The following CHID1 variants were observed in gnomAD, a reference collection of about 807,000 sequenced individuals.
CHID1 encodes chitinase domain-containing protein 1.
Under a neutral mutation model 55.4 loss-of-function variants are expected in CHID1, and 44 were observed. That is an observed-to-expected ratio of 0.79 (90% CI 0.62 to 1.02). The LOEUF (loss-of-function observed/expected upper bound fraction) is 1.02, where lower values mean the gene tolerates loss of function less well. Ranked by LOEUF, CHID1 falls within the 50% of genes least tolerant of loss-of-function variation. The pLI is 0.00. For synonymous variants in CHID1, 216 were observed against 212.9 expected (o/e 1.01, Z -0.13); for missense variants, 491 against 515.3 (o/e 0.95, Z 0.46).
chr11:879,142 G>A lies in CHID1; in HGVS notation c.959+4006C>T, dbSNP rs149153133. Among the ~76,000 whole-genome samples, 237 of 152,216 alleles carry A rather than the reference G, an allele frequency of 1.6e-3. 1 individual carries two copies. The highest frequency in any genetic ancestry group is 5.6e-3 in the African/African-American group (231 of 41,532). Reference sequence around the variant, plus strand: ...ATTACAGGTGTGAGCCACAGTGTCCGGTCACACCTGACTAATTTTTTGTAT... The same window carrying A: ...ATTACAGGTGTGAGCCACAGTGTCCAGTCACACCTGACTAATTTTTTGTAT... On this transcript the variant is annotated intron_variant, in intron 10 of 12. Transcript: ENST00000323578.
rs180809257 is a variant in CHID1 at position 880,272 on chromosome 11, C to T, written c.959+2876G>A. Among the ~76,000 whole-genome samples, 815 of 152,324 alleles carry T rather than the reference C, an allele frequency of 5.4e-3. 8 individuals are homozygous for T. The highest frequency in any genetic ancestry group is 4.8e-3 in the Non-Finnish European group (326 of 68,002). ...AGAGAAGACGCCAGGCTCTTCGCCC[C>T]GCCTGATGCCCAGGCTGACCCCAGG... is the stretch of plus-strand genomic sequence containing the variant. On this transcript the variant is annotated intron_variant, in intron 10 of 12. Transcript: ENST00000323578.
At chr11:901,210 A>G (rs1291538230) in intron 4 of CHID1, among the ~76,000 whole-genome samples, 1 of 152,054 alleles carries the variant, frequency 6.6e-6, no homozygotes, top group Non-Finnish European at 1.5e-5. Flanking sequence ...GACCCTGCAG[A>G]GCAGCTCTGA....
chr11:870,686 G>A (rs1849118021), intron 10 of CHID1, 187 bp from the exon 11 acceptor site: 2 of 569,084 alleles, frequency 3.5e-6, no homozygotes, highest in South Asian at 4.5e-5. Context: ...TGTATTAGAG[G>A]AAACCTCAGG....
In CHID1 at chr11:884,140, T is replaced by C. The variant is rs1489063390; in HGVS notation, c.731A>G (p.Lys244Arg). The C allele has an allele frequency of 8.7e-6, 14 of 1,614,144 alleles. No individual in the cohort carries two copies. The highest frequency in any genetic ancestry group is 1.2e-5 in the Non-Finnish European group (14 of 1,180,002). Reference sequence around the variant, plus strand: ...CACGGGGGCCAGCTGCTCAAACTCCTTGTGCGTGAACATGCCCAGCTGGTC... The same window carrying C: ...CACGGGGGCCAGCTGCTCAAACTCCCTGTGCGTGAACATGCCCAGCTGGTC... ...GTDQLGMFTH[K>R]EFEQLAPVLD... is the part of the protein sequence containing the mutation. The change falls in exon 9 of 13, where the codon AAG becomes AGG. Residue 244 changes from lysine (K) to arginine (R), a missense_variant. By Grantham distance (26) the Lys-to-Arg change is conservative. Transcript: ENST00000323578.
intron 1 of CHID1, among the ~76,000 whole-genome samples, chr11:910,294 G>A (rs908694997): frequency 6.6e-6 from 1 of 152,120 alleles, no homozygotes. Context: ...TCACTGGGAG[G>A]GCAGCCCGCC....
upstream of CHID1, chr11:910,845 C>T (rs1274326856): frequency 9.2e-7 from 1 of 1,088,562 alleles, no homozygotes; most frequent in Non-Finnish European, 1.1e-6. Flanking sequence ...GGAAGTCCCG[C>T]CCCAGGCGCC....
chr11:871,101 C>T (rs1849150769), intron 10 of CHID1, among the ~76,000 whole-genome samples: 1 of 150,030 alleles, frequency 6.7e-6, no homozygotes, highest in African/African-American at 2.5e-5. Context: ...GGTGATTCTT[C>T]TGCCTCAGCC....
At position 878,598 on chromosome 11, in the gene CHID1, TCA is replaced by T. The variant is rs201220874; in HGVS notation, c.959+4548_959+4549del. ...AAAATTCCTTTTCTTTATAAAGTAC[TCA>T]GTTTCAGGTATTCTGTTATAAGCAA... On this transcript the variant is annotated intron_variant, in intron 10 of 12. Transcript: ENST00000323578. Among the ~76,000 whole-genome samples the T allele has an allele frequency of 2.6e-3, 399 of 152,278 alleles. 2 individuals carry two copies. The highest frequency in any genetic ancestry group is 0.01 in the Admixed American group (160 of 15,298).
chr11:898,267 A>C (rs1208227158), intron 7 of CHID1, among the ~76,000 whole-genome samples: 2 of 152,186 alleles, frequency 1.3e-5, no homozygotes, highest in African/African-American at 4.8e-5. Flanking sequence ...CAATGGGATG[A>C]AAGTGCCATG....
At chr11:906,723 C>T (rs953575435) in intron 1 of CHID1, among the ~76,000 whole-genome samples, 5 of 152,078 alleles carry the variant, frequency 3.3e-5, no homozygotes, top group Non-Finnish European at 7.4e-5. Flanking sequence ...CACGTGGAAG[C>T]TTAAGAAACA....
intron 2 of CHID1, chr11:903,819 C>T (rs1852005056): frequency 5.1e-6 from 1 of 196,534 alleles, no homozygotes; most frequent in Non-Finnish European, 1.1e-5. Context: ...GCACACGCCA[C>T]CATGCTGGCC....
intron 1 of CHID1, among the ~76,000 whole-genome samples, chr11:909,691 C>T (rs1852505026): frequency 6.6e-6 from 1 of 152,264 alleles, no homozygotes; most frequent in African/African-American, 2.4e-5. Flanking sequence ...GCACTGACAA[C>T]TCCTGTTCTG....
intron 12 of CHID1, 34 bp downstream of exon 12, chr11:870,087 C>A: frequency 6.2e-7 from 1 of 1,612,090 alleles, no homozygotes; most frequent in Non-Finnish European, 8.5e-7. Flanking sequence ...ATGGCCCACC[C>A]CTCCCCCGGT....
chr11:871,494 C>T (rs534509703), intron 10 of CHID1, among the ~76,000 whole-genome samples: 1 of 522 alleles, frequency 1.9e-3, no homozygotes, highest in Non-Finnish European at 6.4e-3. Context: ...GTGTGCACAT[C>T]TCACACTGCA....
At chr11:892,898 C>T (rs564752998) in intron 8 of CHID1, among the ~76,000 whole-genome samples, 3 of 152,226 alleles carry the variant, frequency 2.0e-5, no homozygotes, top group East Asian at 1.9e-4. Flanking sequence ...GCAGGGTGGC[C>T]GCCTCCTGTG....
rs755872930 is a variant in CHID1, at chr11:904,817, G to A, written c.-1C>T. 2 of 1,613,860 alleles carry A rather than the reference G, an allele frequency of 1.2e-6. No individual in the cohort carries two copies. The highest frequency in any genetic ancestry group is 1.3e-5 in the African/African-American group (1 of 75,072). On this transcript the variant is annotated 5_prime_UTR_variant, in exon 2 of 13. Transcript: ENST00000323578. ...AGAGGAGGTTGAAGAGTGTCCGCAT[G>A]GTAGGTGTGTCACAGTAGGGTCCAA...
intron 5 of CHID1, among the ~76,000 whole-genome samples, chr11:900,722 C>T (rs1288868006): frequency 6.6e-6 from 1 of 152,178 alleles, no homozygotes; most frequent in Non-Finnish European, 1.5e-5. Flanking sequence ...CTTTGGAGGG[C>T]CACAGCCTGT....
chr11:895,236 C>T (rs999779311), intron 7 of CHID1, among the ~76,000 whole-genome samples: 1 of 152,198 alleles, frequency 6.6e-6, no homozygotes. Context: ...CAGGTACCCA[C>T]AGCTCCCCAG....
chr11:899,316 C>T, intron 7 of CHID1, 24 bp downstream of exon 7: 1 of 1,585,964 alleles, frequency 6.3e-7, no homozygotes, highest in East Asian at 2.3e-5. Flanking sequence ...GGAGGGCCAC[C>T]CACCACCACC....
Sources: allele counts gnomAD v4.1 joint callset (sites outside exome capture counted in the v4.1 genomes callset), GRCh38; gene constraint gnomAD v4.1.1; transcripts MANE v1.5; gene names NCBI Gene and HGNC (gene_info 2026-07-23, HGNC 2026-07-21).